Variants in ME1 observed in about 807,000 individuals in gnomAD.
ME1 encodes the protein malic enzyme 1, also known as NADP-dependent malic enzyme.
Under a neutral mutation model 66.4 loss-of-function variants are expected in ME1, and 74 were observed. The observed-to-expected ratio is 1.11, with a 90% confidence interval of 0.92 to 1.35. ME1 has a LOEUF of 1.35. Ranked by LOEUF, ME1 falls within the 40% of genes most tolerant of loss-of-function variation. The pLI is 0.00. For synonymous variants in ME1, 251 were observed against 235.6 expected (o/e 1.07, Z -0.60); for missense variants, 750 against 694.1 (o/e 1.08, Z -0.90).
At chr6:83,429,484 C>T (rs1172371087) in intron 1 of ME1, among the ~76,000 whole-genome samples, 3 of 152,000 alleles carry the variant, frequency 2.0e-5, no homozygotes, top group Non-Finnish European at 2.9e-5. Context: ...ATACAAGTCA[C>T]AAATAGTTTT....
intron 6 of ME1, among the ~76,000 whole-genome samples, chr6:83,257,137 C>T (rs1467452233): frequency 6.6e-6 from 1 of 151,730 alleles, no homozygotes; most frequent in Non-Finnish European, 1.5e-5. Context: ...CGCATGTATA[C>T]CTATGTAACA....
intron 5 of ME1, among the ~76,000 whole-genome samples, chr6:83,332,781 G>A (rs938590578): frequency 6.6e-6 from 1 of 152,010 alleles, no homozygotes; most frequent in African/African-American, 2.4e-5. Flanking sequence ...GGTAGGTAAA[G>A]GATAAAAAAT....
At chr6:83,299,050 C>T (rs1767662784) in intron 6 of ME1, among the ~76,000 whole-genome samples, 1 of 137,096 alleles carries the variant, frequency 7.3e-6, no homozygotes, top group African/African-American at 2.7e-5. Flanking sequence ...CAGCTTTGTT[C>T]TTTTTGCTTA....
At chr6:83,308,333 T>C (rs1386719713) in intron 6 of ME1, among the ~76,000 whole-genome samples, 2 of 152,036 alleles carry the variant, frequency 1.3e-5, no homozygotes, top group East Asian at 1.9e-4. Flanking sequence ...AATTTAATAT[T>C]AGTTCTTAAA....
intron 1 of ME1, among the ~76,000 whole-genome samples, chr6:83,421,633 T>G (rs2128553522): frequency 6.6e-6 from 1 of 152,328 alleles, no homozygotes; most frequent in Middle Eastern, 3.4e-3. Context: ...CAACTGGCCT[T>G]GACTCAAAAG....
chr6:83,373,626 G>C (rs1769234124), intron 3 of ME1, among the ~76,000 whole-genome samples: 1 of 151,934 alleles, frequency 6.6e-6, no homozygotes, highest in South Asian at 2.1e-4. Flanking sequence ...TTTACTTTAG[G>C]ATCTGGGATA....
chr6:83,221,034 C>T (rs931571855), intron 12 of ME1, among the ~76,000 whole-genome samples: 2 of 152,078 alleles, frequency 1.3e-5, no homozygotes, highest in Non-Finnish European at 2.9e-5. Flanking sequence ...TGGCATTGTG[C>T]CTGTAATCCC....
rs769910055 is a variant in ME1, at chr6:83,430,752, C to A, written c.78+125G>T. ...CACACCAAGGCCCCCCAGGCCGCGG[C>A]CGCTCACCGGGAACCTTCCCAGGGG... On this transcript the variant is annotated intron_variant, in intron 1 of 13. Coordinates refer to ENST00000369705, the MANE Select transcript of ME1 (RefSeq NM_002395.6). 8 of 788,884 alleles carry A rather than the reference C, an allele frequency of 1.0e-5. No homozygotes were observed. In the African/African-American group the frequency reaches 1.3e-4, roughly 13 times the overall value. The allele number at this position is 788,884 out of a possible 1,614,324, so 48.9% of individuals were successfully genotyped here.
chr6:83,303,353 C>A (rs1309481736), intron 6 of ME1, among the ~76,000 whole-genome samples: 1 of 152,066 alleles, frequency 6.6e-6, no homozygotes, highest in Non-Finnish European at 1.5e-5. Context: ...TACTTTGAAG[C>A]TAACTGTACA....
chr6:83,297,939 C>T (rs752090238), intron 6 of ME1, among the ~76,000 whole-genome samples: 3 of 152,198 alleles, frequency 2.0e-5, no homozygotes, highest in Admixed American at 6.5e-5. Flanking sequence ...GTATGTACCA[C>T]ATTTTCTTTA....
intron 8 of ME1, 35 bp downstream of exon 8, chr6:83,239,503 GT>G: frequency 1.4e-6 from 2 of 1,400,958 alleles, no homozygotes; most frequent in Non-Finnish European, 2.0e-6. Flanking sequence ...TTATATGTTA[GT>G]TTAGGAGAAC....
At chr6:83,236,287 A>C (rs917228422) in intron 9 of ME1, among the ~76,000 whole-genome samples, 8 of 152,180 alleles carry the variant, frequency 5.3e-5, no homozygotes, top group African/African-American at 1.9e-4. Flanking sequence ...ATATCCTCAT[A>C]CATAAAATAC....
intron 6 of ME1, among the ~76,000 whole-genome samples, chr6:83,279,616 G>A (rs567467824): frequency 7.9e-5 from 12 of 151,568 alleles, no homozygotes; most frequent in Admixed American, 1.3e-4. Context: ...AAGAGAGAGA[G>A]AAAAAAATAA....
chr6:83,299,393 T>C (rs1321324124), intron 6 of ME1, among the ~76,000 whole-genome samples: 2 of 152,082 alleles, frequency 1.3e-5, no homozygotes, highest in Non-Finnish European at 2.9e-5. Context: ...CATTCATGAT[T>C]TGGCATTCGT....
chr6:83,268,210 T>C (rs1314099059), intron 6 of ME1, among the ~76,000 whole-genome samples: 4 of 152,268 alleles, frequency 2.6e-5, no homozygotes, highest in Middle Eastern at 3.4e-3. Context: ...TTGATATTTA[T>C]ATAGGACAAA....
chr6:83,300,542 A>G (rs1767694597), intron 6 of ME1, among the ~76,000 whole-genome samples: 1 of 151,676 alleles, frequency 6.6e-6, no homozygotes, highest in Non-Finnish European at 1.5e-5. Flanking sequence ...CAAACAAAAA[A>G]CAGCCCCATT....
At chr6:83,408,271 G>C (rs1474153205) in intron 1 of ME1, among the ~76,000 whole-genome samples, 1 of 152,176 alleles carries the variant, frequency 6.6e-6, no homozygotes, top group Non-Finnish European at 1.5e-5. Flanking sequence ...TTATGAATGT[G>C]AGTAAGTCAC....
chr6:83,348,849 G>A (rs1028785380), intron 4 of ME1, among the ~76,000 whole-genome samples: 6 of 151,250 alleles, frequency 4.0e-5, no homozygotes, highest in African/African-American at 7.3e-5. Context: ...TTACCTGGGC[G>A]TGGTGGCGAG....
intron 1 of ME1, among the ~76,000 whole-genome samples, chr6:83,426,032 T>C (rs1041733413): frequency 2.0e-5 from 3 of 152,148 alleles, no homozygotes; most frequent in African/African-American, 7.2e-5. Flanking sequence ...AAAAGCAAGT[T>C]CAGCCCTCTC....
Sources: gnomAD v4.1 joint callset for allele counts (sites outside exome capture counted in the v4.1 genomes callset) on GRCh38, gnomAD v4.1.1 for gene constraint, MANE v1.5 for transcripts, NCBI Gene and HGNC (gene_info 2026-07-23, HGNC 2026-07-21) for gene names.